The following GMDS variants were observed in gnomAD, a reference collection of about 807,000 sequenced individuals.
GMDS encodes the protein GDP-mannose 4,6 dehydratase.
In GMDS, 20 loss-of-function variants were observed where a neutral mutation model predicts 49.9. That is an observed-to-expected ratio of 0.40 (90% confidence interval 0.28 to 0.58). The LOEUF (loss-of-function observed/expected upper bound fraction) is 0.58, where lower values mean the gene tolerates loss of function less well. Ranked by LOEUF, GMDS falls within the 20% of genes least tolerant of loss-of-function variation. The probability of loss-of-function intolerance (pLI) is 0.42; values close to 1 mark genes in which losing one functional copy is unlikely to be tolerated. For synonymous variants in GMDS, 177 were observed against 178.6 expected (o/e 0.99, Z 0.07); for missense variants, 362 against 481.4 (o/e 0.75, Z 2.32).
chr6:2,044,187 T>A (rs1223505051), intron 4 of GMDS, among the ~76,000 whole-genome samples: 3 of 152,148 alleles, frequency 2.0e-5, no homozygotes, highest in African/African-American at 7.2e-5. Context: ...AGAACTAACA[T>A]TCAACCCAGC....
chr6:2,021,470 T>C (rs1768274597), intron 4 of GMDS, among the ~76,000 whole-genome samples: 1 of 151,988 alleles, frequency 6.6e-6, no homozygotes, highest in African/African-American at 2.4e-5. Context: ...TAAAGAGACA[T>C]AAAGTGAGTG....
At chr6:1,954,310 T>C (rs1763516961) in intron 6 of GMDS, among the ~76,000 whole-genome samples, 1 of 152,262 alleles carries the variant, frequency 6.6e-6, no homozygotes, top group Non-Finnish European at 1.5e-5. Flanking sequence ...GGTAGAGGGC[T>C]TGCCTCAGTG....
intron 4 of GMDS, among the ~76,000 whole-genome samples, chr6:2,075,838 T>C (rs1332698889): frequency 6.6e-6 from 1 of 152,200 alleles, no homozygotes. Context: ...CCACACTGAC[T>C]TCCACAATGG....
rs545649296 is a variant in GMDS at position 2,017,369 on chromosome 6, C to A, written c.346-56403G>T. 5.9e-5 allele frequency among the ~76,000 whole-genome samples: 9 copies of A among 151,868 alleles called. No homozygotes were observed. The East Asian group carries it at 1.5e-3, about 26-fold the overall frequency. On this transcript the variant is annotated intron_variant, in intron 4 of 10. Coordinates refer to ENST00000380815, the MANE Select transcript of GMDS (RefSeq NM_001500.4). ...TGTTTGCCAGGCAGGAGTGCAGTGG[C>A]GCTATCTCCGCTCACTGCAACCTCC...
chr6:2,084,568 G>A lies in GMDS; in HGVS notation c.345+31203C>T, dbSNP rs926425807. 1.1e-4 allele frequency among the ~76,000 whole-genome samples: 16 copies of A among 151,798 alleles called. 1 individual carries two copies. In the East Asian group the frequency reaches 1.7e-3, roughly 16 times the overall value. ...GTCACCCAGGCTGGAGTGCAGTGGCGCGATCTTGACTCACTGCAAGCTCCG... is the reference window on the plus strand; with the variant it reads ...GTCACCCAGGCTGGAGTGCAGTGGCACGATCTTGACTCACTGCAAGCTCCG... On this transcript the variant is annotated intron_variant, in intron 4 of 10. Coordinates refer to ENST00000380815, the MANE Select transcript of GMDS (RefSeq NM_001500.4).
At chr6:1,686,880 A>G (rs114563329) in intron 9 of GMDS, among the ~76,000 whole-genome samples, 166 of 152,324 alleles carry the variant, frequency 1.1e-3, no homozygotes, top group African/African-American at 3.8e-3. Flanking sequence ...AGGCAATACA[A>G]TTTTTTTAAA....
chr6:1,978,572 CT>C (rs1159914694), intron 4 of GMDS, among the ~76,000 whole-genome samples: 3 of 152,206 alleles, frequency 2.0e-5, no homozygotes, highest in Non-Finnish European at 4.4e-5. Context: ...CAGCCACCCC[CT>C]CCCACCCCAT....
rs68171156 is a variant in GMDS, at chr6:2,243,843, CTTTTTTTTTTTTTT to C, written c.102+1464_102+1477del. On this transcript the variant is annotated intron_variant, in intron 1 of 10. Transcript: ENST00000380815. ...ATCTGGCCAATTTCAACTTCTCCTT[CTTTTTTTTTTTTTT>C]TTTTTTTTTTTTTTTTTTTGAGGCA... Among the ~76,000 whole-genome samples, 608 of 58,224 alleles carry C rather than the reference CTTTTTTTTTTTTTT, an allele frequency of 0.01. 25 individuals are homozygous for C. In the Admixed American group the frequency reaches 0.13, roughly 12 times the overall value. The allele number at this position is 58,224 out of a possible 152,430, so 38.2% of individuals were successfully genotyped here.
At position 2,016,022 on chromosome 6, in the gene GMDS, G is replaced by C. The variant is rs1163957035; in HGVS notation, c.346-55056C>G. Reference sequence around the variant, plus strand: ...GGAGGCCGAGGCAGGCAGATTGCTTGAGCCCAGGAAATAGAGACCAGCCTA... The same window carrying C: ...GGAGGCCGAGGCAGGCAGATTGCTTCAGCCCAGGAAATAGAGACCAGCCTA... On this transcript the variant is annotated intron_variant, in intron 4 of 10. Coordinates refer to ENST00000380815, the MANE Select transcript of GMDS (RefSeq NM_001500.4). 2.8e-5 allele frequency among the ~76,000 whole-genome samples: 4 copies of C among 143,990 alleles called. No individual in the cohort carries two copies. The Admixed American group carries it at 2.9e-4, about 10-fold the overall frequency. The allele number at this position is 143,990 out of a possible 152,430, so 94.5% of individuals were successfully genotyped here. A position where few individuals can be genotyped will look rare whatever the true frequency, so the allele number is the denominator to read the frequency against.
chr6:2,105,142 A>G lies in GMDS; in HGVS notation c.345+10629T>C, dbSNP rs59767135. On this transcript the variant is annotated intron_variant, in intron 4 of 10. Coordinates refer to ENST00000380815, the MANE Select transcript of GMDS (RefSeq NM_001500.4). ...GCTTGCAGTGAGCGGAGATCACGCCACTGCACTCCAGCCTGGGTGACAGAG... is the reference window on the plus strand; with the variant it reads ...GCTTGCAGTGAGCGGAGATCACGCCGCTGCACTCCAGCCTGGGTGACAGAG... 1.7e-4 allele frequency among the ~76,000 whole-genome samples: 25 copies of G among 143,730 alleles called. No individual in the cohort carries two copies. In the East Asian group the frequency reaches 5.1e-3, roughly 29 times the overall value. 94.3% of individuals were successfully genotyped at this position (143,730 alleles called of 152,430 possible).
chr6:1,690,099 T>C (rs2113333382), intron 9 of GMDS, among the ~76,000 whole-genome samples: 1 of 152,212 alleles, frequency 6.6e-6, no homozygotes, highest in South Asian at 2.1e-4. Flanking sequence ...AGTAAGACCT[T>C]GTCTCAAGAA....
intron 9 of GMDS, among the ~76,000 whole-genome samples, chr6:1,702,410 T>C (rs1231673565): frequency 6.6e-6 from 1 of 152,238 alleles, no homozygotes; most frequent in African/African-American, 2.4e-5. Flanking sequence ...CTTTGCCCAT[T>C]TAAGAGCTTG....
chr6:1,852,439 T>C (rs375921709), intron 7 of GMDS, among the ~76,000 whole-genome samples: 2 of 152,202 alleles, frequency 1.3e-5, no homozygotes, highest in Admixed American at 6.5e-5. Context: ...TGAAAAAAAC[T>C]TCAGTAGCCT....
intron 7 of GMDS, among the ~76,000 whole-genome samples, chr6:1,857,163 G>A (rs1407656305): frequency 6.6e-6 from 1 of 152,162 alleles, no homozygotes; most frequent in Admixed American, 6.5e-5. Context: ...AAGTTATAAA[G>A]TATAAAAGGA....
At chr6:1,826,479 C>T (rs1771115304) in intron 7 of GMDS, among the ~76,000 whole-genome samples, 1 of 152,136 alleles carries the variant, frequency 6.6e-6, no homozygotes, top group Non-Finnish European at 1.5e-5. Context: ...ATTTTAAGTG[C>T]TTAAAAGTTT....
intron 7 of GMDS, among the ~76,000 whole-genome samples, chr6:1,873,586 A>T (rs1758882344): frequency 6.6e-6 from 1 of 152,242 alleles, no homozygotes; most frequent in African/African-American, 2.4e-5. Flanking sequence ...TTCAGGCAGC[A>T]CTGAAGAAAC....
intron 7 of GMDS, among the ~76,000 whole-genome samples, chr6:1,858,792 C>G (rs1416722414): frequency 1.3e-5 from 2 of 152,128 alleles, no homozygotes; most frequent in African/African-American, 4.8e-5. Context: ...ATTTGCTGAT[C>G]TTATGAGAAC....
At position 2,234,635 on chromosome 6, in the gene GMDS, T is replaced by C. The variant is rs537954878; in HGVS notation, c.102+10686A>G. On this transcript the variant is annotated intron_variant, in intron 1 of 10. Coordinates refer to ENST00000380815, the MANE Select transcript of GMDS (RefSeq NM_001500.4). ...AAAAAAAATAAAAAAAATAAAATCC[T>C]AGCAAACTTACAAGATTTGAAAAGA... Among the ~76,000 whole-genome samples, 31 of 151,578 alleles carry C rather than the reference T, an allele frequency of 2.0e-4. 1 individual carries two copies. The South Asian group carries it at 4.6e-3, about 22-fold the overall frequency.
intron 4 of GMDS, among the ~76,000 whole-genome samples, chr6:1,974,500 C>T (rs1439856223): frequency 2.0e-5 from 3 of 152,126 alleles, no homozygotes; most frequent in Admixed American, 2.0e-4. Context: ...AAGGAACAGC[C>T]ACACGTTTTC....
Sources: allele counts gnomAD v4.1 joint callset (sites outside exome capture counted in the v4.1 genomes callset), GRCh38; gene constraint gnomAD v4.1.1; transcripts MANE v1.5; gene names NCBI Gene and HGNC (gene_info 2026-07-23, HGNC 2026-07-21).